The following PCCA variants were observed in gnomAD, a reference collection of about 807,000 sequenced individuals.
PCCA encodes the protein propionyl-CoA carboxylase subunit alpha.
Under a neutral mutation model 101.3 loss-of-function variants are expected in PCCA, and 74 were observed. The observed-to-expected ratio is 0.73, with a 90% CI of 0.61 to 0.89. The LOEUF (loss-of-function observed/expected upper bound fraction) is 0.89. PCCA is among the 40% of genes least tolerant of loss of function. PCCA has a pLI of 0.00. For missense variants in PCCA, 891 were observed against 907.0 expected (o/e 0.98, Z 0.23); for synonymous variants, 294 against 313.6 (o/e 0.94, Z 0.66).
At chr13:100,385,397 C>T (rs2076443781) in intron 19 of PCCA, among the ~76,000 whole-genome samples, 1 of 151,976 alleles carries the variant, frequency 6.6e-6, no homozygotes. Context: ...TAAGGGATGC[C>T]CTTCATATAT....
intron 22 of PCCA, chr13:100,527,451 C>A: frequency 1.7e-6 from 1 of 576,888 alleles, no homozygotes; most frequent in Non-Finnish European, 3.2e-6. Context: ...TCTCCAGGGT[C>A]AGGGATTTTT....
rs531406070 is a variant in PCCA, at chr13:100,286,219, C to A, written c.1065+12873C>A. Among the ~76,000 whole-genome samples the A allele has an allele frequency of 4.4e-4, 67 of 152,164 alleles. 1 individual carries two copies. Among genetic ancestry groups the A allele is most frequent in the African/African-American group, 1.6e-3 (65 of 41,494 alleles). ...ACCTTTTTATTTTTAATAAAATTTT[C>A]TTTTTAATTGTCAGCAAGGCAAGTT... On this transcript the variant is annotated intron_variant, in intron 12 of 23. Transcript: ENST00000376285.
In PCCA at chr13:100,319,815, G is replaced by C. The variant is rs577476634; in HGVS notation, c.1429+9907G>C. ...TTTGGCTTAGGATTGTCTTGGCAAT[G>C]TGGGCTCTTTTTTGGTTCCATATGA... On this transcript the variant is annotated intron_variant, in intron 16 of 23. Transcript: ENST00000376285. Among the ~76,000 whole-genome samples the C allele has an allele frequency of 2.3e-3, 351 of 152,312 alleles. 2 individuals carry two copies. The highest frequency in any genetic ancestry group is 6.8e-3 in the Middle Eastern group (2 of 294).
At chr13:100,302,161 A>G (rs1172428869) in intron 13 of PCCA, among the ~76,000 whole-genome samples, 2 of 152,180 alleles carry the variant, frequency 1.3e-5, no homozygotes, top group African/African-American at 4.8e-5. Context: ...TTTTACTCAT[A>G]AACTCTCAGT....
At chr13:100,329,741 C>G (rs1041929756) in intron 16 of PCCA, among the ~76,000 whole-genome samples, 1 of 152,034 alleles carries the variant, frequency 6.6e-6, no homozygotes, top group South Asian at 2.1e-4. Context: ...AATGGCTGGA[C>G]CAAGAAGAAG....
chr13:100,149,416 T>C (rs2053018822), intron 4 of PCCA: 1 of 152,204 alleles, frequency 6.6e-6, no homozygotes, highest in Non-Finnish European at 1.5e-5. Flanking sequence ...AGAACTCTCT[T>C]CATATTCCAA....
intron 19 of PCCA, among the ~76,000 whole-genome samples, chr13:100,415,239 CAA>C (rs11308074): frequency 3.1e-3 from 379 of 123,070 alleles, no homozygotes; most frequent in African/African-American, 3.5e-3. Flanking sequence ...CACACCTCTA[CAA>C]AAAAAAAAAA....
rs576002632 is a variant in PCCA, at chr13:100,356,960, C to T, written c.1644-11512C>T. Among the ~76,000 whole-genome samples, 38 of 152,248 alleles carry T rather than the reference C, an allele frequency of 2.5e-4. 1 individual carries two copies. In the South Asian group the frequency reaches 7.7e-3, roughly 31 times the overall value. ...TGCAAAAATGCTAGATGAAATAATT[C>T]AGTCAAAGTAGATCACAAATTTTCC... On this transcript the variant is annotated intron_variant, in intron 18 of 23. Transcript: ENST00000376285.
chr13:100,430,370 T>G (rs750770261), intron 20 of PCCA, among the ~76,000 whole-genome samples: 3 of 152,228 alleles, frequency 2.0e-5, no homozygotes, highest in Non-Finnish European at 2.9e-5. Context: ...AACACCATTA[T>G]GAGTTTTAAA....
chr13:100,174,263 A>C (rs898719830), intron 6 of PCCA, among the ~76,000 whole-genome samples: 3 of 151,990 alleles, frequency 2.0e-5, no homozygotes, highest in African/African-American at 7.3e-5. Context: ...GGTTATTTTG[A>C]TTGAAATTCT....
At chr13:100,171,626 C>A (rs182649561) in intron 6 of PCCA, among the ~76,000 whole-genome samples, 1 of 152,246 alleles carries the variant, frequency 6.6e-6, no homozygotes, top group African/African-American at 2.4e-5. Flanking sequence ...CAGTGGCCTA[C>A]GCCTGTAATC....
At chr13:100,393,006 T>C (rs1414646151) in intron 19 of PCCA, among the ~76,000 whole-genome samples, 4 of 152,190 alleles carry the variant, frequency 2.6e-5, no homozygotes, top group African/African-American at 9.7e-5. Flanking sequence ...CGGCTCCTGC[T>C]TCTCTTTTTA....
intron 19 of PCCA, among the ~76,000 whole-genome samples, chr13:100,407,877 A>T (rs1330867284): frequency 2.0e-5 from 3 of 152,178 alleles, no homozygotes; most frequent in Admixed American, 2.0e-4. Flanking sequence ...GGGGCTGGGC[A>T]TGGTGGTTCA....
At chr13:100,410,378 G>A (rs113968475) in intron 19 of PCCA, among the ~76,000 whole-genome samples, 14,822 of 152,172 alleles carry the variant, frequency 0.097, 777 homozygotes, top group South Asian at 0.14. Flanking sequence ...GAGTAGCTGC[G>A]ACTACAGGTA....
intron 21 of PCCA, among the ~76,000 whole-genome samples, chr13:100,461,957 C>T (rs946720084): frequency 6.6e-6 from 1 of 152,212 alleles, no homozygotes; most frequent in Non-Finnish European, 1.5e-5. Flanking sequence ...CGGTCACACT[C>T]TTTGTATTCC....
At chr13:100,169,979 C>G in intron 6 of PCCA, among the ~76,000 whole-genome samples, 1 of 152,140 alleles carries the variant, frequency 6.6e-6, no homozygotes, top group South Asian at 2.1e-4. Flanking sequence ...GGATTATAGG[C>G]ATGAGCCACC....
intron 4 of PCCA, chr13:100,150,433 T>A: frequency 6.1e-6 from 3 of 493,928 alleles, no homozygotes; most frequent in Non-Finnish European, 9.6e-6. Context: ...ATTTATATTA[T>A]TATTTCAAAT....
chr13:100,476,594 C>A (rs2083437584), intron 21 of PCCA, among the ~76,000 whole-genome samples: 1 of 152,224 alleles, frequency 6.6e-6, no homozygotes, highest in African/African-American at 2.4e-5. Flanking sequence ...TCCATTTACT[C>A]ATTCATTTAT....
At position 100,298,704 on chromosome 13, in the gene PCCA, T is replaced by G. The variant is rs1357092489; in HGVS notation, c.1066-2756T>G. Among the ~76,000 whole-genome samples, 8 of 89,248 alleles carry G rather than the reference T, an allele frequency of 9.0e-5. 1 individual carries two copies. Among genetic ancestry groups the G allele is most frequent in the African/African-American group, 2.1e-4 (5 of 23,558 alleles). 58.6% of individuals were successfully genotyped at this position (89,248 alleles called of 152,430 possible). On this transcript the variant is annotated intron_variant, in intron 12 of 23. Coordinates refer to ENST00000376285, the MANE Select transcript of PCCA (RefSeq NM_000282.4). ...CTTCCTTCCTTCCTTCCTTCCTTCC[T>G]TCCTTCCTTCCTTCCTTCCTTCCTT...
Sources: allele counts gnomAD v4.1 joint callset (sites outside exome capture counted in the v4.1 genomes callset), GRCh38; gene constraint gnomAD v4.1.1; transcripts MANE v1.5; gene names NCBI Gene and HGNC (gene_info 2026-07-23, HGNC 2026-07-21).